Variants in FIGN observed in about 807,000 individuals in gnomAD.
FIGN encodes the protein fidgetin.
FIGN carries 11 observed loss-of-function variants against 51.3 expected under a neutral mutation model. The observed-to-expected ratio is 0.21, with a 90% CI of 0.13 to 0.35. FIGN has a LOEUF of 0.35. Ranked by LOEUF, FIGN falls within the 10% of genes least tolerant of loss-of-function variation. The probability of loss-of-function intolerance (pLI) is 1.00; values close to 1 mark genes in which losing one functional copy is unlikely to be tolerated. For synonymous variants in FIGN, 407 were observed against 363.2 expected, an observed-to-expected ratio of 1.12 and a Z score of -1.37; for missense variants, 857 against 943.6, an observed-to-expected ratio of 0.91 and a Z score of 1.20.
chr2:163,617,961 C>G (rs1229211185), intron 2 of FIGN, among the ~76,000 whole-genome samples: 1 of 151,992 alleles, frequency 6.6e-6, no homozygotes, highest in Non-Finnish European at 1.5e-5. Context: ...ACTGGCTAGA[C>G]AGAAAAAAAG....
chr2:163,614,247 A>C lies in FIGN; in HGVS notation c.26-2441T>G, dbSNP rs866608542. Among the ~76,000 whole-genome samples, 5 of 152,148 alleles carry C rather than the reference A, an allele frequency of 3.3e-5. No individual in the cohort carries two copies. The South Asian group carries it at 6.2e-4, about 19-fold the overall frequency. On this transcript the variant is annotated intron_variant, in intron 2 of 2. Coordinates refer to ENST00000333129, the MANE Select transcript of FIGN (RefSeq NM_018086.4). ...CAAAATGGGTGAAATGACCGAAACC[A>C]CACTTAAAGGGGAAAAGCTGCAATT...
At position 163,663,681 on chromosome 2, in the gene FIGN, G is replaced by A. The variant is rs538429797; in HGVS notation, c.26-51875C>T. Among the ~76,000 whole-genome samples, 11 of 151,688 alleles carry A rather than the reference G, an allele frequency of 7.3e-5. No homozygotes were observed. In the East Asian group the frequency reaches 1.8e-3, roughly 25 times the overall value. On this transcript the variant is annotated intron_variant, in intron 2 of 2. Transcript: ENST00000333129. ...GCAGATCACCTGAGGTCAGGAATTC[G>A]AGACCAGCCTGACCAACATGGAGAA...
intron 2 of FIGN, among the ~76,000 whole-genome samples, chr2:163,721,686 T>A (rs1017167878): frequency 1.3e-5 from 2 of 152,162 alleles, no homozygotes; most frequent in Non-Finnish European, 2.9e-5. Context: ...CTGCGTAGAG[T>A]GTATGACATC....
In FIGN at chr2:163,610,586, T is replaced by C; in HGVS notation, c.1246A>G (p.Ser416Gly). 1.2e-6 allele frequency: 2 copies of C among 1,614,180 alleles called. No individual in the cohort carries two copies. Among genetic ancestry groups the C allele is most frequent in the Non-Finnish European group, 1.7e-6 (2 of 1,180,022 alleles). Residue 416 changes from serine to glycine, a missense_variant, in exon 3 of 3, where the codon AGT (serine) becomes GGT (glycine). Ser to Gly is a moderately conservative substitution (Grantham distance 56, BLOSUM62 0). Around this residue, in one of 3 missense-constraint regions of FIGN, gnomAD observed 799 missense variants for 849.5 expected, o/e 0.94. Transcript: ENST00000333129. ...GATGTGTACTTCCCAAAGGATTCAC[T>C]GGATCTTGATCCCAATGAATTTTTA... The part of the protein sequence containing the change: ...TAKNSLGSRS[S>G]ESFGKYTSPV...
At chr2:163,666,358 A>C (rs1683773385) in intron 2 of FIGN, among the ~76,000 whole-genome samples, 1 of 152,188 alleles carries the variant, frequency 6.6e-6, no homozygotes, top group African/African-American at 2.4e-5. Context: ...AGGGCAAATC[A>C]ACAAAGCAGA....
At chr2:163,649,225 G>A (rs116394016) in intron 2 of FIGN, among the ~76,000 whole-genome samples, 1,801 of 152,192 alleles carry the variant, frequency 0.012, 43 homozygotes, top group African/African-American at 0.041. Context: ...CCATTACTGT[G>A]GTAGCTAGTT....
At chr2:163,705,641 T>C (rs1432010644) in intron 2 of FIGN, among the ~76,000 whole-genome samples, 1 of 144,152 alleles carries the variant, frequency 6.9e-6, no homozygotes, top group Non-Finnish European at 1.5e-5. Context: ...ATTTTTTGTC[T>C]TTTTTTTTTT....
At chr2:163,705,468 T>C (rs992649471) in intron 2 of FIGN, among the ~76,000 whole-genome samples, 38 of 151,984 alleles carry the variant, frequency 2.5e-4, no homozygotes, top group African/African-American at 8.5e-4. Flanking sequence ...CCCAGAGAGG[T>C]TGTGTTTTTA....
In FIGN at chr2:163,608,104, A is replaced by T. The variant is rs542744322; in HGVS notation, c.*1448T>A. 6.5e-6 allele frequency: 1 copy of T among 152,730 alleles called. No individual in the cohort carries two copies. Among genetic ancestry groups the T allele is most frequent in the South Asian group, 2.1e-4 (1 of 4,834 alleles). The allele number at this position is 152,730 out of a possible 1,614,324, so 9.5% of individuals were successfully genotyped here. ...CATTGCAGTGTGTGTGTCCACTTCC[A>T]ATTTTCTACTTTACTTTCCAAGAGA... On this transcript the variant is annotated 3_prime_UTR_variant, in exon 3 of 3. Transcript: ENST00000333129.
At chr2:163,705,219 C>T (rs953851850) in intron 2 of FIGN, among the ~76,000 whole-genome samples, 4 of 152,158 alleles carry the variant, frequency 2.6e-5, no homozygotes, top group African/African-American at 9.7e-5. Context: ...CAGAGGTCTG[C>T]AGCCCACAGT....
rs142709524 is a variant in FIGN, at chr2:163,669,307, G to T, written c.26-57501C>A. On this transcript the variant is annotated intron_variant, in intron 2 of 2. Transcript: ENST00000333129. Reference sequence around the variant, plus strand: ...CTCACTGCAGCCTTCAACCTCTCAGGCTCAAGTGATCCTCCTGGCTCATCC... The same window carrying T: ...CTCACTGCAGCCTTCAACCTCTCAGTCTCAAGTGATCCTCCTGGCTCATCC... Among the ~76,000 whole-genome samples the T allele has an allele frequency of 2.3e-3, 348 of 152,106 alleles. 2 individuals are homozygous for T. The highest frequency in any genetic ancestry group is 3.7e-3 in the Non-Finnish European group (254 of 67,982).
chr2:163,676,482 T>TATATAA (rs1491386168), intron 2 of FIGN, among the ~76,000 whole-genome samples: 23 of 57,308 alleles, frequency 4.0e-4, no homozygotes, highest in African/African-American at 1.1e-3. Flanking sequence ...TATATATATA[T>TATATAA]AACTAGAGTC....
chr2:163,672,360 G>A (rs185878141), intron 2 of FIGN, among the ~76,000 whole-genome samples: 110 of 152,154 alleles, frequency 7.2e-4, no homozygotes, highest in Non-Finnish European at 1.2e-3. Context: ...TATGATATAA[G>A]CTTCAGAAAG....
intron 2 of FIGN, among the ~76,000 whole-genome samples, chr2:163,720,747 C>T (rs146858344): frequency 6.6e-6 from 1 of 152,262 alleles, no homozygotes; most frequent in African/African-American, 2.4e-5. Context: ...TCAACACTGT[C>T]ATTTGTTGCA....
At chr2:163,640,433 T>C (rs1683289728) in intron 2 of FIGN, among the ~76,000 whole-genome samples, 1 of 152,314 alleles carries the variant, frequency 6.6e-6, no homozygotes, top group Admixed American at 6.5e-5. Context: ...TATAGAGTCA[T>C]GAGTGTGTGT....
chr2:163,629,224 A>T (rs965268440), intron 2 of FIGN, among the ~76,000 whole-genome samples: 1 of 152,240 alleles, frequency 6.6e-6, no homozygotes. Flanking sequence ...AAGAGAAAAA[A>T]TAAAGTAGAG....
At chr2:163,683,090 G>C (rs1371184095) in intron 2 of FIGN, among the ~76,000 whole-genome samples, 3 of 152,126 alleles carry the variant, frequency 2.0e-5, no homozygotes, top group African/African-American at 7.2e-5. Context: ...ATATGGGTTG[G>C]AGGAAAAGAT....
intron 2 of FIGN, among the ~76,000 whole-genome samples, chr2:163,683,366 C>A (rs1300147029): frequency 6.6e-6 from 1 of 152,016 alleles, no homozygotes; most frequent in Non-Finnish European, 1.5e-5. Context: ...ATTGTTGTTT[C>A]AAAGATTGTT....
At chr2:163,674,510 C>T (rs1683927551) in intron 2 of FIGN, among the ~76,000 whole-genome samples, 1 of 152,160 alleles carries the variant, frequency 6.6e-6, no homozygotes, top group African/African-American at 2.4e-5. Context: ...ATTATATTAA[C>T]TGTCTTCAAG....
Sources: gnomAD v4.1 joint callset for allele counts (sites outside exome capture counted in the v4.1 genomes callset) on GRCh38, gnomAD v4.1.1 for gene constraint, gnomAD v4.1.1 regional missense constraint, MANE v1.5 for transcripts, NCBI Gene and HGNC (gene_info 2026-07-23, HGNC 2026-07-21) for gene names.